Variants in ZFX observed in about 807,000 individuals in gnomAD.
The protein encoded by ZFX is zinc finger X-chromosomal protein.
For synonymous variants in ZFX, 196 were observed against 226.8 expected (o/e 0.86, Z 1.22); for missense variants, 362 against 628.3 (o/e 0.58, Z 4.53).
chrX:24,171,583 T>A (rs1934602465), intron 3 of ZFX, among the ~76,000 whole-genome samples: 2 of 111,616 alleles, frequency 1.8e-5, no homozygotes, highest in African/African-American at 6.5e-5. Flanking sequence ...GTGTTTCTGT[T>A]AATTGAAATT....
intron 5 of ZFX, 75 bp from the exon 6 acceptor site, chrX:24,207,251 T>TC (rs1223630400): frequency 9.5e-7 from 1 of 1,049,368 alleles, no homozygotes; most frequent in Non-Finnish European, 1.3e-6. Flanking sequence ...AAAAATTTTT[T>TC]TTTTTTTTTT....
intron 5 of ZFX, among the ~76,000 whole-genome samples, chrX:24,186,971 G>T (rs1247201105): frequency 8.9e-6 from 1 of 112,084 alleles, no homozygotes; most frequent in Non-Finnish European, 1.9e-5. Context: ...TGTACATCAT[G>T]CCTCATCCAA....
intron 4 of ZFX, chrX:24,177,925 A>T: frequency 5.6e-6 from 3 of 533,434 alleles, no homozygotes; most frequent in South Asian, 9.7e-5. Flanking sequence ...GCATTACTTA[A>T]TTTTTTTTTT....
At chrX:24,158,725 C>T (rs1264843428) in intron 3 of ZFX, among the ~76,000 whole-genome samples, 1 of 109,746 alleles carries the variant, frequency 9.1e-6, no homozygotes, top group Non-Finnish European at 1.9e-5. Context: ...CAACCTCCGC[C>T]TCCTGGGTTC....
intron 5 of ZFX, among the ~76,000 whole-genome samples, chrX:24,185,287 T>TA (rs1394871916): frequency 1.8e-5 from 2 of 110,936 alleles, no homozygotes; most frequent in African/African-American, 3.3e-5. Context: ...TTTGCACTCT[T>TA]ACTTCCCTCT....
At chrX:24,173,497 A>G in intron 4 of ZFX, 1 of 1,021,457 alleles carries the variant, frequency 9.8e-7, no homozygotes, top group Non-Finnish European at 1.3e-6. Flanking sequence ...AAGTTCTAAA[A>G]ATAGGAAAAA....
Position 24,182,253 on chromosome X carries a change from G to A in ZFX, c.646+2483G>A, listed in dbSNP as rs369183858. On this transcript the variant is annotated intron_variant, in intron 5 of 9. Transcript: ENST00000304543. ...AGGCAGTTGAAAATATGACTTTGGT[G>A]CTTTTGAGAGAGTTTGTTGCTAGAG... Among the ~76,000 whole-genome samples, 6 of 111,022 alleles carry A rather than the reference G, an allele frequency of 5.4e-5. No homozygotes were observed. In the East Asian group the frequency reaches 1.1e-3, roughly 21 times the overall value.
In ZFX at chrX:24,172,749, G is replaced by A; in HGVS notation, c.7G>A (p.Glu3Lys). The change falls in exon 4 of 10, where the codon GAA (glutamate) becomes AAA (lysine). Residue 3 changes from glutamate (E) to lysine (K), a missense_variant. Physicochemically the swap from Glu to Lys is moderately conservative, Grantham distance 56 (BLOSUM62 1). Transcript: ENST00000304543. The part of the protein sequence containing the change: MD[E>K]DGLELQQEPN... The stretch of plus-strand genomic sequence containing the variant: ...CTGATGAGAATTAAAGGCCATGGAT[G>A]AAGATGGGCTTGAATTACAACAAGA... 8.3e-7 allele frequency: 1 copy of A among 1,199,770 alleles called. No individual in the cohort carries two copies. The highest frequency in any genetic ancestry group is 1.1e-6 in the Non-Finnish European group (1 of 891,109).
In ZFX at chrX:24,179,726, A is replaced by G. The variant is rs1232684541; in HGVS notation, c.602A>G (p.Gln201Arg). ...GCCAATGGGATCCCTGTGGACCAGC[A>G]GGATGATGACAAAGGCAACTGTGAG... is the stretch of plus-strand genomic sequence containing the variant. Reference protein sequence around the residue: ...IDANGIPVDQQDDDKGNCEDY... With the variant: ...IDANGIPVDQRDDDKGNCEDY... Residue 201 changes from glutamine (Q) to arginine (R), a missense_variant, in exon 5 of 10, where the codon CAG (glutamine) becomes CGG (arginine). By Grantham distance (43) the Gln-to-Arg change is conservative. Coordinates refer to ENST00000304543, the MANE Select transcript of ZFX (RefSeq NM_003410.4). 8.3e-7 allele frequency: 1 copy of G among 1,209,115 alleles called. No individual in the cohort carries two copies. The highest frequency in any genetic ancestry group is 1.7e-5 in the African/African-American group (1 of 57,297).
At chrX:24,173,120 T>C (rs1934782953) in intron 4 of ZFX, among the ~76,000 whole-genome samples, 1 of 112,088 alleles carries the variant, frequency 8.9e-6, no homozygotes, top group African/African-American at 3.2e-5. Context: ...TTAGCTTTGT[T>C]TGGACCTTTG....
At chrX:24,208,476 C>G (rs1364577997) in intron 8 of ZFX, 106 bp downstream of exon 8, 66 of 966,188 alleles carry the variant, frequency 6.8e-5, no homozygotes, top group Non-Finnish European at 8.4e-5. Context: ...TCTGAAATAC[C>G]AGTATCCTGT....
upstream of ZFX, chrX:24,149,542 C>T (rs1931706446): frequency 9.0e-6 from 1 of 111,198 alleles, no homozygotes; most frequent in African/African-American, 3.2e-5. Context: ...CACGGGGTGC[C>T]AGGAGGACCC....
chrX:24,180,480 C>G (rs1221056316), intron 5 of ZFX, among the ~76,000 whole-genome samples: 1 of 108,187 alleles, frequency 9.2e-6, no homozygotes, highest in Non-Finnish European at 1.9e-5. Flanking sequence ...CTCTCGAGTT[C>G]AAGTGATTCT....
At position 24,213,334 on chromosome X, in the gene ZFX, G is replaced by A. The variant is rs1938233965; in HGVS notation, c.*1958G>A. 8.9e-6 allele frequency: 1 copy of A among 112,265 alleles called. No individual in the cohort carries two copies. The highest frequency in any genetic ancestry group is 1.9e-5 in the Non-Finnish European group (1 of 53,216). The allele number at this position is 112,265 out of a possible 1,213,427, so 9.3% of individuals were successfully genotyped here. On this transcript the variant is annotated 3_prime_UTR_variant, in exon 10 of 10. Transcript: ENST00000304543. The stretch of plus-strand genomic sequence containing the variant: ...GGTCCCTTCAGTTGGCTATTGGTCC[G>A]TATGCATCTAGCACATTGTAGGAGA...
intron 4 of ZFX, among the ~76,000 whole-genome samples, chrX:24,176,958 A>G (rs754466029): frequency 3.1e-4 from 35 of 111,555 alleles, no homozygotes; most frequent in African/African-American, 1.1e-3. Flanking sequence ...ATTGAGACGG[A>G]GTCTTGCTCT....
At chrX:24,157,410 A>T (rs2704849) in intron 3 of ZFX, among the ~76,000 whole-genome samples, 23,265 of 111,475 alleles carry the variant, frequency 0.21, 2,035 homozygotes, top group South Asian at 0.31. Context: ...GTCAAAATAG[A>T]TCTTTGATGG....
upstream of ZFX, chrX:24,149,518 G>A (rs2147157866): frequency 9.0e-6 from 1 of 111,343 alleles, no homozygotes; most frequent in Admixed American, 9.3e-5. Context: ...GTCGCGGGGC[G>A]GGAGCGGCGC....
In ZFX at chrX:24,213,344, A is replaced by G. The variant is rs1010507961; in HGVS notation, c.*1968A>G. 8.9e-6 allele frequency: 1 copy of G among 112,403 alleles called. No individual in the cohort carries two copies. The highest frequency in any genetic ancestry group is 1.9e-5 in the Non-Finnish European group (1 of 53,234). 9.3% of individuals were successfully genotyped at this position (112,403 alleles called of 1,213,427 possible). A position where few individuals can be genotyped will look rare whatever the true frequency, so the allele number is the denominator to read the frequency against. ...GTTGGCTATTGGTCCGTATGCATCT[A>G]GCACATTGTAGGAGATTTAGAAATT... On this transcript the variant is annotated 3_prime_UTR_variant, in exon 10 of 10. Transcript: ENST00000304543.
chrX:24,173,527 G>A, intron 4 of ZFX: 5 of 1,084,250 alleles, frequency 4.6e-6, no homozygotes, highest in Non-Finnish European at 6.0e-6. Context: ...TAGAAAACAT[G>A]TATTTCAGAT....
Sources: gnomAD v4.1 joint callset for allele counts (sites outside exome capture counted in the v4.1 genomes callset) on GRCh38, gnomAD v4.1.1 for gene constraint, MANE v1.5 for transcripts, NCBI Gene and HGNC (gene_info 2026-07-23, HGNC 2026-07-21) for gene names.